Variants in ATP6V0A1 observed in about 807,000 individuals in gnomAD.
The protein encoded by ATP6V0A1 is ATPase H+ transporting V0 subunit a1, also known as V-type proton ATPase 116 kDa subunit a 1.
In ATP6V0A1, 43 loss-of-function variants were observed where a neutral mutation model predicts 105.4. That is an observed-to-expected ratio of 0.41 (90% CI 0.32 to 0.53). The LOEUF is 0.53. Ranked by LOEUF, ATP6V0A1 falls within the 20% of genes least tolerant of loss-of-function variation. The pLI, the probability that ATP6V0A1 is intolerant of heterozygous loss-of-function variation, is 0.30. For synonymous variants in ATP6V0A1, 362 were observed against 372.8 expected, an observed-to-expected ratio of 0.97 and a Z score of 0.33; for missense variants, 676 against 1,051.1, an observed-to-expected ratio of 0.64 and a Z score of 4.93.
intron 5 of ATP6V0A1, among the ~76,000 whole-genome samples, chr17:42,475,597 T>C (rs1365174455): frequency 6.6e-6 from 1 of 152,188 alleles, no homozygotes; most frequent in African/African-American, 2.4e-5. Flanking sequence ...CTTCTTCCAA[T>C]GTGGCCCAGG....
intron 21 of ATP6V0A1, chr17:42,518,004 CT>C (rs1227611719): frequency 6.6e-6 from 1 of 152,262 alleles, no homozygotes; most frequent in Non-Finnish European, 1.5e-5. Context: ...ATGTATTAAT[CT>C]GCTAATTCTG....
rs1212279194 is a variant in ATP6V0A1 at position 42,522,221 on chromosome 17, T to C, written c.*1101T>C. The C allele has an allele frequency of 6.6e-6, 1 of 152,478 alleles. No homozygotes were observed. The highest frequency in any genetic ancestry group is 2.4e-5 in the African/African-American group (1 of 41,458). 9.4% of individuals were successfully genotyped at this position (152,478 alleles called of 1,614,324 possible). ...TTCCTCCTTGTCACCCCGAACCTTG[T>C]AATCGTGTGCTGGCGTGGCAGCCCT... On this transcript the variant is annotated 3_prime_UTR_variant, in exon 22 of 22. Transcript: ENST00000343619.
Position 42,498,911 on chromosome 17 carries a change from C to G in ATP6V0A1, c.1561-13C>G, listed in dbSNP as rs138369663. On this transcript the variant is annotated splice_polypyrimidine_tract_variant and intron_variant, in intron 14 of 21. Coordinates refer to ENST00000343619, the MANE Select transcript of ATP6V0A1 (RefSeq NM_001130021.3). ...TCTTTATAATACCTATTTGTTTTCT[C>G]GGGTTATGACAGATTTGGAACATTG... is the stretch of plus-strand genomic sequence containing the variant. 1,258 of 1,546,840 alleles carry G rather than the reference C, an allele frequency of 8.1e-4. 17 individuals carry two copies. The African/African-American group carries it at 0.013, about 15-fold the overall frequency.
At chr17:42,516,720 A>G (rs2092643452) in intron 21 of ATP6V0A1, among the ~76,000 whole-genome samples, 1 of 152,194 alleles carries the variant, frequency 6.6e-6, no homozygotes, top group Non-Finnish European at 1.5e-5. Flanking sequence ...TTTTGTTGCC[A>G]GAAGATTGCT....
chr17:42,508,703 C>G, intron 19 of ATP6V0A1, 114 bp downstream of exon 19: 2 of 1,413,690 alleles, frequency 1.4e-6, no homozygotes, highest in Non-Finnish European at 2.0e-6. Context: ...ACTCCTGTGC[C>G]TCTGCATCTC....
At position 42,521,298 on chromosome 17, in the gene ATP6V0A1, G is replaced by A. The variant is rs1020347964; in HGVS notation, c.*178G>A. ...GGTCTCCCACCACCCCTAGCTTTGTGTGTAGTGTAGTGATTTTCTGGCTGT... is the reference window on the plus strand; with the variant it reads ...GGTCTCCCACCACCCCTAGCTTTGTATGTAGTGTAGTGATTTTCTGGCTGT... On this transcript the variant is annotated 3_prime_UTR_variant, in exon 22 of 22. Transcript: ENST00000343619. This position sits in a 1 kb window ranked among gnomAD's most constrained non-coding sequence, Gnocchi z 4.8. The A allele has an allele frequency of 8.7e-6, 4 of 457,954 alleles. No homozygotes were observed. Among genetic ancestry groups the A allele is most frequent in the African/African-American group, 8.2e-5 (4 of 48,946 alleles). The allele number at this position is 457,954 out of a possible 1,614,324, so 28.4% of individuals were successfully genotyped here.
chr17:42,483,778 C>T (rs1263793115), intron 9 of ATP6V0A1, among the ~76,000 whole-genome samples: 1 of 152,100 alleles, frequency 6.6e-6, no homozygotes, highest in East Asian at 1.9e-4. Context: ...GACAGGGTTT[C>T]ACCATGTTGG....
intron 3 of ATP6V0A1, among the ~76,000 whole-genome samples, chr17:42,466,943 C>T (rs548450409): frequency 1.9e-4 from 29 of 151,936 alleles, no homozygotes; most frequent in Non-Finnish European, 2.9e-4. Flanking sequence ...GTCAGGAGAT[C>T]GAGACCATCC....
At chr17:42,476,994 C>T (rs910381261) in intron 5 of ATP6V0A1, among the ~76,000 whole-genome samples, 4 of 152,178 alleles carry the variant, frequency 2.6e-5, no homozygotes, top group Non-Finnish European at 5.9e-5. Context: ...AATCCCATGG[C>T]TTGGATCATT....
chr17:42,522,526 G>A lies in ATP6V0A1; in HGVS notation c.*1406G>A, dbSNP rs1237318440. On this transcript the variant is annotated 3_prime_UTR_variant, in exon 22 of 22. Coordinates refer to ENST00000343619, the MANE Select transcript of ATP6V0A1 (RefSeq NM_001130021.3). ...CAGAGTTCAGGGAACCCTGCCCAAG[G>A]TCCTCCTGTTCAGACATTCCTATGT... is the stretch of plus-strand genomic sequence containing the variant. 6.6e-6 allele frequency: 1 copy of A among 152,518 alleles called. No homozygotes were observed. The highest frequency in any genetic ancestry group is 2.1e-4 in the South Asian group (1 of 4,844). The allele number at this position is 152,518 out of a possible 1,614,324, so 9.4% of individuals were successfully genotyped here.
chr17:42,459,778 A>T (rs1567799090), intron 1 of ATP6V0A1, among the ~76,000 whole-genome samples: 1 of 152,168 alleles, frequency 6.6e-6, no homozygotes, highest in Non-Finnish European at 1.5e-5. Context: ...AGCTTGTGTT[A>T]CTGTCTTGAA....
At position 42,514,431 on chromosome 17, in the gene ATP6V0A1, G is replaced by A. The variant is rs148307432; in HGVS notation, c.2391G>A (p.Ser797=). 2,510 of 1,609,924 alleles carry A rather than the reference G, an allele frequency of 1.6e-3. 2 individuals are homozygous for A. Among genetic ancestry groups the A allele is most frequent in the Non-Finnish European group, 1.9e-3 (2,260 of 1,177,974 alleles). Residue 797 remains serine (S), a synonymous_variant, in exon 21 of 22, where the codon TCG becomes TCA. Transcript: ENST00000343619. Reference sequence around the variant, plus strand: ...TCCTCCTGATCATGGAGGGCCTCTCGGCCTTTCTCCACGCACTGCGCTTAC... The same window carrying A: ...TCCTCCTGATCATGGAGGGCCTCTCAGCCTTTCTCCACGCACTGCGCTTAC... ...VAILLIMEGL[S]AFLHALRLHW...
intron 7 of ATP6V0A1, among the ~76,000 whole-genome samples, chr17:42,480,034 G>C (rs1168776269): frequency 1.3e-5 from 2 of 152,242 alleles, no homozygotes; most frequent in Non-Finnish European, 1.5e-5. Flanking sequence ...TATTATAAAA[G>C]CTCTACATGC....
At position 42,500,792 on chromosome 17, in the gene ATP6V0A1, C is replaced by A; in HGVS notation, c.1765C>A (p.Leu589Ile). 6.2e-7 allele frequency: 1 copy of A among 1,613,850 alleles called. No homozygotes were observed. Among genetic ancestry groups the A allele is most frequent in the Non-Finnish European group, 8.5e-7 (1 of 1,179,810 alleles). Reference sequence around the variant, plus strand: ...CTCTTTGTTTGGCTATTTGGTTATCCTTATTTTTTACAAGTGGACGGCCTA... The same window carrying A: ...CTCTTTGTTTGGCTATTTGGTTATCATTATTTTTTACAAGTGGACGGCCTA... Reference protein sequence around the residue: ...MTSLFGYLVILIFYKWTAYDA... With the variant: ...MTSLFGYLVIIIFYKWTAYDA... The change falls in exon 16 of 22, where the codon CTT becomes ATT. Residue 589 changes from leucine (L) to isoleucine (I), a missense_variant. Physicochemically the swap from Leu to Ile is conservative, Grantham distance 5. Around this residue, in one of 3 missense-constraint regions of ATP6V0A1, gnomAD observed 435 missense variants for 642.2 expected, o/e 0.68. Coordinates refer to ENST00000343619, the MANE Select transcript of ATP6V0A1 (RefSeq NM_001130021.3).
intron 17 of ATP6V0A1, among the ~76,000 whole-genome samples, chr17:42,505,937 A>G (rs1212868483): frequency 6.6e-6 from 1 of 150,868 alleles, no homozygotes; most frequent in Non-Finnish European, 1.5e-5. Context: ...ACAGGCGCCC[A>G]CCTCTACGCC....
chr17:42,497,694 A>G (rs2091310452), intron 14 of ATP6V0A1, among the ~76,000 whole-genome samples: 1 of 150,972 alleles, frequency 6.6e-6, no homozygotes, highest in South Asian at 2.1e-4. Flanking sequence ...AAAAAAAGAA[A>G]TCATTGTTAA....
chr17:42,495,545 T>C lies in ATP6V0A1; in HGVS notation c.1470-81T>C, dbSNP rs914825559. On this transcript the variant is annotated intron_variant, in intron 13 of 21. Transcript: ENST00000343619. ...GAAGAGACAAGATAGCTACAGTAATTTATTTTGGGGTCAGTTTCTGGACCC... is the reference window on the plus strand; with the variant it reads ...GAAGAGACAAGATAGCTACAGTAATCTATTTTGGGGTCAGTTTCTGGACCC... 7 of 1,094,624 alleles carry C rather than the reference T, an allele frequency of 6.4e-6. No individual in the cohort carries two copies. In the Admixed American group the frequency reaches 8.0e-5, roughly 13 times the overall value. The allele number at this position is 1,094,624 out of a possible 1,614,324, so 67.8% of individuals were successfully genotyped here. A position where few individuals can be genotyped will look rare whatever the true frequency, so the allele number is the denominator to read the frequency against.
At chr17:42,511,787 T>C (rs2092357850) in intron 19 of ATP6V0A1, among the ~76,000 whole-genome samples, 1 of 151,914 alleles carries the variant, frequency 6.6e-6, no homozygotes, top group Non-Finnish European at 1.5e-5. Flanking sequence ...CTGGCCAACA[T>C]GGTGAAATCC....
At chr17:42,478,419 C>T in intron 6 of ATP6V0A1, 44 bp from the exon 7 acceptor site, 3 of 1,455,760 alleles carry the variant, frequency 2.1e-6, no homozygotes, top group Non-Finnish European at 2.8e-6. Context: ...CCTTCCATCC[C>T]ATGACATGGA....
Sources: gnomAD v4.1 joint callset for allele counts (sites outside exome capture counted in the v4.1 genomes callset) on GRCh38, gnomAD v4.1.1 for gene constraint, gnomAD v4.1.1 regional missense constraint, Gnocchi (gnomAD v3.1) non-coding constraint, MANE v1.5 for transcripts, NCBI Gene and HGNC (gene_info 2026-07-23, HGNC 2026-07-21) for gene names.